PSD3: variants seen among roughly 807,000 people sequenced by gnomAD.
The protein encoded by PSD3 is pleckstrin and Sec7 domain containing 3.
In PSD3, 49 loss-of-function variants were observed where a neutral mutation model predicts 105.5. The ratio of observed to expected loss-of-function variants is 0.46; its 90% CI spans 0.37 to 0.59. PSD3 has a LOEUF of 0.59. Among genes scored for constraint, PSD3 ranks in the 20% least tolerant of loss-of-function variants. The pLI is 0.00. For missense variants in PSD3, 1,561 were observed against 1,263.8 expected (o/e 1.24, Z -3.57); for synonymous variants, 557 against 457.8 (o/e 1.22, Z -2.77).
chr8:18,928,023 A>G (rs1226310614), intron 2 of PSD3, among the ~76,000 whole-genome samples: 1 of 152,208 alleles, frequency 6.6e-6, no homozygotes, highest in African/African-American at 2.4e-5. Flanking sequence ...ATGAAAACCT[A>G]CATCCACTCA....
chr8:18,796,811 T>G (rs1401914679), intron 8 of PSD3, among the ~76,000 whole-genome samples: 1 of 152,170 alleles, frequency 6.6e-6, no homozygotes, highest in African/African-American at 2.4e-5. Flanking sequence ...TAATGGTTGA[T>G]TAGTGTATTC....
rs763433107 is a variant in PSD3, at chr8:18,535,780, C to A, written c.3107G>T (p.Arg1036Leu). The A allele has an allele frequency of 6.2e-7, 1 of 1,613,936 alleles. No individual in the cohort carries two copies. The highest frequency in any genetic ancestry group is 8.5e-7 in the Non-Finnish European group (1 of 1,179,932). Reference sequence around the variant, plus strand: ...TTGCTTAATGCTTGGTGTTTCAGGTCGGTGATCCTTCCTCTCTGACACGTT... The same window carrying A: ...TTGCTTAATGCTTGGTGTTTCAGGTAGGTGATCCTTCCTCTCTGACACGTT... ...KRNVSERKDH[R>L]PETPSIKQKV... The change falls in exon 16 of 16, where the codon CGA becomes CTA. Residue 1036 changes from arginine to leucine, a missense_variant. Transcript: ENST00000327040.
chr8:19,071,819 C>A (rs62495958), intron 1 of PSD3, among the ~76,000 whole-genome samples: 42,348 of 151,928 alleles, frequency 0.28, 6,221 homozygotes, highest in South Asian at 0.37. Flanking sequence ...AAGAGATTCT[C>A]CTGCCTCACC....
chr8:18,669,629 C>T (rs1459684885), intron 9 of PSD3, among the ~76,000 whole-genome samples: 1 of 152,220 alleles, frequency 6.6e-6, no homozygotes, highest in East Asian at 1.9e-4. Flanking sequence ...TGGCACACGA[C>T]AGTGAGATTG....
intron 9 of PSD3, among the ~76,000 whole-genome samples, chr8:18,694,763 C>A (rs2131008902): frequency 6.6e-6 from 1 of 151,732 alleles, no homozygotes; most frequent in South Asian, 2.1e-4. Context: ...ATCACTTGAG[C>A]ACTTGAGCTC....
At chr8:19,065,146 C>CT (rs769769086) in intron 1 of PSD3, among the ~76,000 whole-genome samples, 2 of 152,164 alleles carry the variant, frequency 1.3e-5, no homozygotes, top group East Asian at 3.8e-4. Flanking sequence ...GACCAGTCTG[C>CT]TTTTTGTTCC....
chr8:18,807,274 C>G (rs1811284445), intron 4 of PSD3, among the ~76,000 whole-genome samples: 1 of 152,178 alleles, frequency 6.6e-6, no homozygotes, highest in Admixed American at 6.5e-5. Context: ...TCCTGGACAA[C>G]CAGCTGGTAT....
At chr8:18,558,089 C>G (rs939526085) in intron 14 of PSD3, among the ~76,000 whole-genome samples, 1 of 152,240 alleles carries the variant, frequency 6.6e-6, no homozygotes, top group Non-Finnish European at 1.5e-5. Flanking sequence ...ACCAACTCTG[C>G]TGGCACCTTG....
At chr8:18,550,994 G>A (rs904746807) in intron 15 of PSD3, among the ~76,000 whole-genome samples, 5 of 152,010 alleles carry the variant, frequency 3.3e-5, no homozygotes, top group Admixed American at 6.5e-5. Context: ...CCTTGCTTTC[G>A]CTAGGAAGAC....
chr8:18,632,604 G>A lies in PSD3; in HGVS notation c.2410+9C>T. ...AATGAAATAGAAAATGACAACGCAT[G>A]ATACTTACTCTTCTTTCCATCCATA... On this transcript the variant is annotated intron_variant, in intron 11 of 15. Coordinates refer to ENST00000327040, the MANE Select transcript of PSD3 (RefSeq NM_015310.4). The A allele has an allele frequency of 6.3e-7, 1 of 1,599,870 alleles. No homozygotes were observed.
chr8:18,852,323 C>G (rs900137596), intron 4 of PSD3, among the ~76,000 whole-genome samples: 11 of 152,178 alleles, frequency 7.2e-5, no homozygotes, highest in Non-Finnish European at 1.5e-5. Context: ...GCACAGCTAC[C>G]AACTCCTCGA....
chr8:18,652,945 T>C (rs1432523946), intron 10 of PSD3, among the ~76,000 whole-genome samples: 1 of 152,212 alleles, frequency 6.6e-6, no homozygotes, highest in East Asian at 1.9e-4. Context: ...AATTGGGGTA[T>C]TGGCCATTTA....
chr8:18,997,276 A>G (rs1466546070), intron 1 of PSD3, among the ~76,000 whole-genome samples: 2 of 151,646 alleles, frequency 1.3e-5, no homozygotes, highest in African/African-American at 4.9e-5. Context: ...GCTTCTCCCT[A>G]TCTCAGTTAA....
At chr8:18,559,371 G>A (rs1340227968) in intron 14 of PSD3, among the ~76,000 whole-genome samples, 1 of 152,140 alleles carries the variant, frequency 6.6e-6, no homozygotes, top group Non-Finnish European at 1.5e-5. Flanking sequence ...ATATGAATGA[G>A]GATGAGATTT....
intron 9 of PSD3, among the ~76,000 whole-genome samples, chr8:18,698,387 A>C (rs1345466385): frequency 1.3e-5 from 2 of 152,122 alleles, no homozygotes; most frequent in Non-Finnish European, 2.9e-5. Flanking sequence ...CCGAAGTGCT[A>C]AGATTATAGG....
chr8:18,533,888 C>G lies in PSD3; in HGVS notation c.*1855G>C, dbSNP rs567716948. On this transcript the variant is annotated 3_prime_UTR_variant, in exon 16 of 16. Coordinates refer to ENST00000327040, the MANE Select transcript of PSD3 (RefSeq NM_015310.4). ...TCTGAAACATAAACTTAGTTACTGC[C>G]TTTACCCAAACAAGGCAGAGAGTTA... 6.6e-6 allele frequency: 1 copy of G among 150,762 alleles called. No homozygotes were observed. Among genetic ancestry groups the G allele is most frequent in the South Asian group, 2.1e-4 (1 of 4,736 alleles). The allele number at this position is 150,762 out of a possible 1,614,324, so 9.3% of individuals were successfully genotyped here.
At chr8:18,618,685 T>G (rs1419686847) in intron 11 of PSD3, among the ~76,000 whole-genome samples, 3 of 152,140 alleles carry the variant, frequency 2.0e-5, no homozygotes, top group Non-Finnish European at 4.4e-5. Context: ...TTTGCATTTT[T>G]TTTTTCTAAT....
chr8:18,726,432 C>T (rs1253234142), intron 9 of PSD3, among the ~76,000 whole-genome samples: 2 of 152,142 alleles, frequency 1.3e-5, no homozygotes, highest in Non-Finnish European at 2.9e-5. Context: ...TCTCTTGTAT[C>T]CTTATTTTAA....
chr8:19,072,447 G>C (rs554865445), intron 1 of PSD3, among the ~76,000 whole-genome samples: 2 of 152,126 alleles, frequency 1.3e-5, no homozygotes, highest in Non-Finnish European at 2.9e-5. Context: ...CACTTGTTCT[G>C]AACTGCAGTG....
Sources: gnomAD v4.1 joint callset for allele counts (sites outside exome capture counted in the v4.1 genomes callset) on GRCh38, gnomAD v4.1.1 for gene constraint, MANE v1.5 for transcripts, NCBI Gene and HGNC (gene_info 2026-07-23, HGNC 2026-07-21) for gene names.